CPT1A: variants seen among roughly 807,000 people sequenced by gnomAD.
The protein encoded by CPT1A is carnitine palmitoyltransferase 1A.
CPT1A carries 64 observed loss-of-function variants against 100.8 expected under a neutral mutation model. The ratio of observed to expected loss-of-function variants is 0.63; its 90% CI spans 0.52 to 0.78. The LOEUF (loss-of-function observed/expected upper bound fraction) is 0.78. Among genes scored for constraint, CPT1A ranks in the 30% least tolerant of loss-of-function variants. The pLI is 0.00. For synonymous variants in CPT1A, 363 were observed against 396.0 expected, an observed-to-expected ratio of 0.92 and a Z score of 0.99; for missense variants, 802 against 1,034.1, an observed-to-expected ratio of 0.78 and a Z score of 3.08.
intron 14 of CPT1A, among the ~76,000 whole-genome samples, chr11:68,765,564 T>C (rs560096017): frequency 6.6e-6 from 1 of 152,206 alleles, no homozygotes; most frequent in Non-Finnish European, 1.5e-5. Flanking sequence ...ACACTAGCAC[T>C]GTTACTATGG....
chr11:68,839,001 A>T (rs1311378843), intron 1 of CPT1A, among the ~76,000 whole-genome samples: 1 of 152,102 alleles, frequency 6.6e-6, no homozygotes, highest in East Asian at 1.9e-4. Context: ...TGTGTTGGAG[A>T]GATTCTCGAG....
chr11:68,820,131 GTGA>G (rs1241538981), intron 1 of CPT1A, among the ~76,000 whole-genome samples: 1 of 150,456 alleles, frequency 6.6e-6, no homozygotes, highest in Non-Finnish European at 1.5e-5. Flanking sequence ...CCAAGCTCAG[GTGA>G]TCCTCCCACC....
At chr11:68,842,638 C>A (rs546355533), upstream of CPT1A, among the ~76,000 whole-genome samples, 3 of 152,280 alleles carry the variant, frequency 2.0e-5, no homozygotes, top group Non-Finnish European at 2.9e-5. Context: ...ATTCTTCCAG[C>A]GTCAAGAACA....
At chr11:68,765,137 A>G (rs2924671) in intron 14 of CPT1A, among the ~76,000 whole-genome samples, 137,058 of 152,332 alleles carry the variant, frequency 0.9, 62,132 homozygotes, top group Non-Finnish European at 0.95. Flanking sequence ...AGGCGCTCAC[A>G]ATGAAGAAGT....
intron 9 of CPT1A, among the ~76,000 whole-genome samples, chr11:68,793,091 GT>G (rs1221866854): frequency 6.6e-6 from 1 of 152,176 alleles, no homozygotes; most frequent in African/African-American, 2.4e-5. Context: ...CTATGAGACA[GT>G]TGGCAGTCTT....
chr11:68,818,467 A>G (rs1394377312), intron 1 of CPT1A: 1 of 152,174 alleles, frequency 6.6e-6, no homozygotes, highest in African/African-American at 2.4e-5. Flanking sequence ...TCAGCACAGA[A>G]CCTGCCAGCT....
intron 1 of CPT1A, chr11:68,839,548 GC>G: frequency 1.0e-6 from 1 of 985,488 alleles, no homozygotes; most frequent in Non-Finnish European, 1.2e-6. Context: ...GAAATGCAAC[GC>G]ACCTCTCCGT....
chr11:68,787,708 G>C (rs1369537294), intron 9 of CPT1A, among the ~76,000 whole-genome samples: 2 of 151,966 alleles, frequency 1.3e-5, no homozygotes, highest in Non-Finnish European at 2.9e-5. Context: ...TTGGGAGGCC[G>C]AGGTGGGCAG....
chr11:68,780,841 A>G (rs1350018706), intron 11 of CPT1A, 96 bp from the exon 12 acceptor site: 2 of 878,864 alleles, frequency 2.3e-6, no homozygotes, highest in Non-Finnish European at 3.9e-6. Flanking sequence ...GGACTAATTC[A>G]CTTTGCACCT....
At chr11:68,807,828 A>T (rs1364604521) in intron 3 of CPT1A, among the ~76,000 whole-genome samples, 190 bp from the exon 4 acceptor site, 1 of 152,072 alleles carries the variant, frequency 6.6e-6, no homozygotes, top group Non-Finnish European at 1.5e-5. Flanking sequence ...TCTCCTCCTC[A>T]CCCCAAAACC....
At chr11:68,766,919 G>A (rs575953074) in intron 14 of CPT1A, among the ~76,000 whole-genome samples, 2 of 152,124 alleles carry the variant, frequency 1.3e-5, no homozygotes, top group South Asian at 4.2e-4. Flanking sequence ...ATGTAACAAA[G>A]CAAGAGTTGG....
chr11:68,779,362 AC>A (rs1855235533), intron 12 of CPT1A, among the ~76,000 whole-genome samples: 1 of 152,114 alleles, frequency 6.6e-6, no homozygotes, highest in South Asian at 2.1e-4. Context: ...TGTCAAGTCT[AC>A]GGATGATGAT....
intron 14 of CPT1A, among the ~76,000 whole-genome samples, chr11:68,762,963 T>TC (rs993288869): frequency 6.6e-6 from 1 of 151,980 alleles, no homozygotes; most frequent in Non-Finnish European, 1.5e-5. Flanking sequence ...GCTCCGGTGA[T>TC]CCCCCCACCT....
At chr11:68,837,693 G>A (rs1281987169) in intron 1 of CPT1A, among the ~76,000 whole-genome samples, 1 of 152,152 alleles carries the variant, frequency 6.6e-6, no homozygotes, top group Admixed American at 6.6e-5. Flanking sequence ...GGTGCTTCGG[G>A]CAGGGCGAGG....
intron 14 of CPT1A, among the ~76,000 whole-genome samples, chr11:68,768,783 A>T (rs1343690180): frequency 1.3e-5 from 2 of 152,118 alleles, no homozygotes; most frequent in African/African-American, 4.8e-5. Flanking sequence ...GATCATGTGC[A>T]GGGTCAAAGT....
chr11:68,760,809 T>C (rs1946792705), intron 16 of CPT1A, among the ~76,000 whole-genome samples: 1 of 152,152 alleles, frequency 6.6e-6, no homozygotes, highest in South Asian at 2.1e-4. Context: ...GCTCAGGAGT[T>C]CGAGACCAGC....
intron 14 of CPT1A, among the ~76,000 whole-genome samples, chr11:68,764,049 C>T (rs1034982887): frequency 9.9e-5 from 15 of 152,158 alleles, no homozygotes; most frequent in African/African-American, 3.1e-4. Context: ...GAGGACAGCA[C>T]GGCAGGAGGG....
At chr11:68,765,048 G>C (rs1854753285) in intron 14 of CPT1A, among the ~76,000 whole-genome samples, 1 of 152,246 alleles carries the variant, frequency 6.6e-6, no homozygotes, top group Non-Finnish European at 1.5e-5. Context: ...TGAGGCCACG[G>C]GGCCTCCTGC....
At chr11:68,772,512 T>TG (rs35809934) in intron 14 of CPT1A, among the ~76,000 whole-genome samples, 116,478 of 151,494 alleles carry the variant, frequency 0.77, 45,845 homozygotes, top group East Asian at 0.87. Flanking sequence ...CAACAGGGGT[T>TG]GCCAGGTGCA....
Sources: gnomAD v4.1 joint callset for allele counts (sites outside exome capture counted in the v4.1 genomes callset) on GRCh38, gnomAD v4.1.1 for gene constraint, MANE v1.5 for transcripts, NCBI Gene and HGNC (gene_info 2026-07-23, HGNC 2026-07-21) for gene names.